Variants in NLGN1 observed in about 807,000 individuals in gnomAD.
NLGN1 encodes the protein neuroligin-1.
A neutral mutation model predicts 65.5 loss-of-function variants in NLGN1; 12 were observed. The observed-to-expected ratio is 0.18, with a 90% CI of 0.12 to 0.30. NLGN1 has a LOEUF of 0.30. Among genes scored for constraint, NLGN1 ranks in the 10% least tolerant of loss-of-function variants. The pLI is 1.00. For synonymous variants in NLGN1, 350 were observed against 359.5 expected, an observed-to-expected ratio of 0.97 and a Z score of 0.30; for missense variants, 750 against 1,007.1, an observed-to-expected ratio of 0.74 and a Z score of 3.46.
chr3:173,765,052 ATGTGTGTGTGTGTGTGTGTGTG>A (rs55747253), intron 3 of NLGN1, among the ~76,000 whole-genome samples: 4 of 136,186 alleles, frequency 2.9e-5, no homozygotes, highest in African/African-American at 5.4e-5. Flanking sequence ...CTGTGGGTGC[ATGTGTGTGTGTGTGTGTGTGTG>A]TGTGTGTGTG....
chr3:174,255,132 A>G (rs1347789698), intron 4 of NLGN1, among the ~76,000 whole-genome samples: 1 of 152,152 alleles, frequency 6.6e-6, no homozygotes, highest in Non-Finnish European at 1.5e-5. Flanking sequence ...AGTACTCCCA[A>G]AAAACGTTTA....
intron 4 of NLGN1, among the ~76,000 whole-genome samples, chr3:174,058,716 G>A (rs138890658): frequency 1.3e-5 from 2 of 151,792 alleles, no homozygotes; most frequent in South Asian, 4.2e-4. Flanking sequence ...AACCTGTATG[G>A]GTAGTTTAGT....
chr3:173,962,419 C>T (rs1006192011), intron 4 of NLGN1, among the ~76,000 whole-genome samples: 1 of 152,124 alleles, frequency 6.6e-6, no homozygotes, highest in Non-Finnish European at 1.5e-5. Flanking sequence ...CTTTTTCAAG[C>T]TGGGCTTAGT....
intron 3 of NLGN1, among the ~76,000 whole-genome samples, chr3:173,688,304 G>A (rs1217934656): frequency 2.6e-5 from 4 of 152,168 alleles, no homozygotes; most frequent in Non-Finnish European, 1.5e-5. Context: ...AATGGCTCCT[G>A]AGGATGCAAT....
intron 4 of NLGN1, among the ~76,000 whole-genome samples, chr3:174,180,194 G>A (rs10513722): frequency 0.1 from 15,383 of 152,156 alleles, 951 homozygotes; most frequent in Admixed American, 0.15. Flanking sequence ...GTGCCTTTTA[G>A]CCTACATTAG....
intron 3 of NLGN1, among the ~76,000 whole-genome samples, chr3:173,791,763 A>T (rs1712819759): frequency 6.6e-6 from 1 of 152,052 alleles, no homozygotes; most frequent in Non-Finnish European, 1.5e-5. Context: ...ATAGGAGCTA[A>T]CCAGACTGGG....
intron 4 of NLGN1, among the ~76,000 whole-genome samples, chr3:174,042,298 A>G (rs1486113686): frequency 6.6e-6 from 1 of 152,108 alleles, no homozygotes; most frequent in Admixed American, 6.6e-5. Context: ...TCTAGCTCCA[A>G]GCCATACAGG....
At chr3:173,402,658 C>G (rs1012925990) in intron 1 of NLGN1, among the ~76,000 whole-genome samples, 7 of 152,164 alleles carry the variant, frequency 4.6e-5, no homozygotes, top group African/African-American at 1.7e-4. Flanking sequence ...ATCACAGAGC[C>G]AAACATCACC....
intron 1 of NLGN1, among the ~76,000 whole-genome samples, chr3:173,404,711 T>G (rs1200527568): frequency 6.6e-6 from 1 of 152,154 alleles, no homozygotes; most frequent in East Asian, 1.9e-4. Flanking sequence ...TACAGATGAT[T>G]AGAAGGTTTA....
chr3:173,868,840 T>C (rs1164938600), intron 4 of NLGN1, among the ~76,000 whole-genome samples: 4 of 152,116 alleles, frequency 2.6e-5, no homozygotes, highest in Non-Finnish European at 5.9e-5. Flanking sequence ...CTAGTTGAGC[T>C]TAAACCCACA....
rs114218029 is a variant in NLGN1 at position 174,052,685 on chromosome 3, A to G, written c.647-222630A>G. On this transcript the variant is annotated intron_variant, in intron 4 of 6. Transcript: ENST00000457714. ...ATTTAAACTCTTATCTTACTAGTCT[A>G]TTTAATAGGACAAAGTGATTAGGTG... 3.5e-3 allele frequency among the ~76,000 whole-genome samples: 536 copies of G among 152,152 alleles called. 5 individuals carry two copies. The highest frequency in any genetic ancestry group is 5.6e-3 in the Non-Finnish European group (379 of 67,966).
chr3:173,516,076 A>C (rs1733763556), intron 2 of NLGN1, among the ~76,000 whole-genome samples: 1 of 151,986 alleles, frequency 6.6e-6, no homozygotes, highest in Non-Finnish European at 1.5e-5. Context: ...CCTTCAATTT[A>C]GTTTTCTTAG....
chr3:174,088,677 C>T (rs1287532065), intron 4 of NLGN1, among the ~76,000 whole-genome samples: 2 of 151,420 alleles, frequency 1.3e-5, no homozygotes, highest in South Asian at 2.1e-4. Flanking sequence ...GGTGTGAACT[C>T]GGGAGGCGGA....
At chr3:173,802,228 C>T (rs1715592096) in intron 3 of NLGN1, among the ~76,000 whole-genome samples, 1 of 152,098 alleles carries the variant, frequency 6.6e-6, no homozygotes, top group South Asian at 2.1e-4. Context: ...ATAGCTAGGC[C>T]ATGTAAACCT....
chr3:174,263,421 C>A (rs1747353694), intron 4 of NLGN1, among the ~76,000 whole-genome samples: 1 of 149,752 alleles, frequency 6.7e-6, no homozygotes, highest in Middle Eastern at 3.2e-3. Context: ...TGAATTGATC[C>A]CTTTACCATT....
chr3:173,472,685 G>A (rs1725499783), intron 2 of NLGN1, among the ~76,000 whole-genome samples: 1 of 151,868 alleles, frequency 6.6e-6, no homozygotes, highest in South Asian at 2.1e-4. Flanking sequence ...TACTAACAAA[G>A]GAATATTATT....
intron 4 of NLGN1, among the ~76,000 whole-genome samples, chr3:174,001,675 G>T (rs367852312): frequency 1.4e-4 from 21 of 152,248 alleles, no homozygotes; most frequent in African/African-American, 5.1e-4. Context: ...ATATTTTGAG[G>T]ATTAAATAAA....
rs970508932 is a variant in NLGN1, at chr3:174,217,984, A to G, written c.647-57331A>G. Among the ~76,000 whole-genome samples, 13 of 152,100 alleles carry G rather than the reference A, an allele frequency of 8.5e-5. No homozygotes were observed. The East Asian group carries it at 2.3e-3, about 27-fold the overall frequency. On this transcript the variant is annotated intron_variant, in intron 4 of 6. Transcript: ENST00000457714. The stretch of plus-strand genomic sequence containing the variant: ...ATGAACTTTAGAAGTAGAGTTTTGC[A>G]ATTTAAAGTAAATTAAGTCAATGAA...
chr3:174,049,839 C>T (rs1283007729), intron 4 of NLGN1, among the ~76,000 whole-genome samples: 2 of 151,982 alleles, frequency 1.3e-5, no homozygotes, highest in Non-Finnish European at 2.9e-5. Context: ...GGGAAATAAG[C>T]TAAGTAATCA....
Sources: gnomAD v4.1 joint callset for allele counts (sites outside exome capture counted in the v4.1 genomes callset) on GRCh38, gnomAD v4.1.1 for gene constraint, MANE v1.5 for transcripts, NCBI Gene and HGNC (gene_info 2026-07-23, HGNC 2026-07-21) for gene names.